The following PTP4A1 variants were observed in gnomAD, a reference collection of about 807,000 sequenced individuals.
The protein encoded by PTP4A1 is protein tyrosine phosphatase type IVA 1.
PTP4A1 carries 9 observed loss-of-function variants against 20.5 expected under a neutral mutation model. The ratio of observed to expected loss-of-function variants is 0.44; its 90% confidence interval spans 0.26 to 0.77. PTP4A1 has a LOEUF of 0.77. PTP4A1 is among the 30% of genes least tolerant of loss of function. The probability of loss-of-function intolerance (pLI) is 0.19; values close to 1 mark genes in which losing one functional copy is unlikely to be tolerated. For missense variants in PTP4A1, 137 were observed against 218.8 expected, an observed-to-expected ratio of 0.63 and a Z score of 2.36; for synonymous variants, 78 against 67.4, an observed-to-expected ratio of 1.16 and a Z score of -0.77.
intron 1 of PTP4A1, among the ~76,000 whole-genome samples, chr6:63,526,585 G>A (rs1334271941): frequency 1.3e-5 from 2 of 151,464 alleles, no homozygotes; most frequent in Admixed American, 6.6e-5. Context: ...CGAGGCAGGC[G>A]GATCGCAAGG....
rs1778351650 is a variant in PTP4A1 at position 63,583,186 on chromosome 6, A to G, written c.*3012A>G. ...GAATACTTTAAAGGGAAGTGGAAGT[A>G]TAAGTGAATGATATTTTTCTTTTAC... is the stretch of plus-strand genomic sequence containing the variant. On this transcript the variant is annotated 3_prime_UTR_variant, in exon 6 of 6. Transcript: ENST00000626021. The G allele has an allele frequency of 6.6e-6, 1 of 152,258 alleles. No individual in the cohort carries two copies. The highest frequency in any genetic ancestry group is 2.1e-4 in the South Asian group (1 of 4,836). The allele number at this position is 152,258 out of a possible 1,614,324, so 9.4% of individuals were successfully genotyped here. A position where few individuals can be genotyped will look rare whatever the true frequency, so the allele number is the denominator to read the frequency against.
chr6:63,526,505 A>G (rs1394697127), intron 1 of PTP4A1, among the ~76,000 whole-genome samples: 1 of 150,170 alleles, frequency 6.7e-6, no homozygotes, highest in Non-Finnish European at 1.5e-5. Context: ...CAGAACAAAA[A>G]TATTTTTTTA....
intron 2 of PTP4A1, among the ~76,000 whole-genome samples, chr6:63,543,818 A>C (rs1229450023): frequency 6.6e-6 from 1 of 152,248 alleles, no homozygotes; most frequent in African/African-American, 2.4e-5. Context: ...TACCCAGCTC[A>C]CAGTGTAATA....
intron 1 of PTP4A1, among the ~76,000 whole-genome samples, chr6:63,524,169 G>A (rs1182938163): frequency 6.6e-6 from 1 of 152,082 alleles, no homozygotes; most frequent in African/African-American, 2.4e-5. Context: ...GTTTTGAGTA[G>A]AGATGGAGTT....
intron 2 of PTP4A1, among the ~76,000 whole-genome samples, chr6:63,530,568 C>G (rs746764744): frequency 5.9e-5 from 9 of 152,054 alleles, no homozygotes; most frequent in Non-Finnish European, 1.2e-4. Flanking sequence ...AAAAAAGCCC[C>G]CTGAATTTGT....
At chr6:63,520,588 G>A (rs188467809), upstream of PTP4A1, among the ~76,000 whole-genome samples, 1 of 151,598 alleles carries the variant, frequency 6.6e-6, no homozygotes, top group Admixed American at 6.6e-5. Context: ...CCAAGATCAT[G>A]CCACTTCACT....
upstream of PTP4A1, among the ~76,000 whole-genome samples, chr6:63,519,981 A>G (rs900354621): frequency 6.6e-6 from 1 of 152,258 alleles, no homozygotes. Flanking sequence ...GTAACTGTAT[A>G]AACCTGTAGA....
intron 3 of PTP4A1, among the ~76,000 whole-genome samples, chr6:63,554,267 C>A (rs898989387): frequency 3.3e-5 from 5 of 152,158 alleles, no homozygotes; most frequent in African/African-American, 1.2e-4. Flanking sequence ...AGCTTCTTGT[C>A]TCTCTTAAAC....
At chr6:63,530,103 C>T (rs976704019) in intron 2 of PTP4A1, among the ~76,000 whole-genome samples, 5 of 151,830 alleles carry the variant, frequency 3.3e-5, no homozygotes, top group Non-Finnish European at 7.4e-5. Flanking sequence ...GAAAATGAGC[C>T]GATAGAAAAT....
intron 3 of PTP4A1, among the ~76,000 whole-genome samples, chr6:63,553,096 T>C (rs1776523658): frequency 6.6e-6 from 1 of 152,192 alleles, no homozygotes; most frequent in African/African-American, 2.4e-5. Context: ...GTAGAGAGAA[T>C]GTATATCTGT....
At chr6:63,571,319 T>C (rs1163745432), upstream of PTP4A1, 5 of 152,218 alleles carry the variant, frequency 3.3e-5, no homozygotes, top group African/African-American at 4.8e-5. Context: ...TCCAATCTCA[T>C]ACTCGGTGAA....
intron 1 of PTP4A1, among the ~76,000 whole-genome samples, chr6:63,573,050 G>T (rs145384122): frequency 6.6e-6 from 1 of 152,088 alleles, no homozygotes; most frequent in African/African-American, 2.4e-5. Flanking sequence ...CTTCCGCAGC[G>T]GGCCGGGTGG....
Position 63,579,318 on chromosome 6 carries a change from C to A in PTP4A1, c.391C>A (p.Gln131Lys). The A allele has an allele frequency of 6.2e-7, 1 of 1,604,400 alleles. No homozygotes were observed. The highest frequency in any genetic ancestry group is 8.5e-7 in the Non-Finnish European group (1 of 1,173,658). Reference protein sequence around the residue: ...EGGMKYEDAVQFIRQKRRGAF... With the variant: ...EGGMKYEDAVKFIRQKRRGAF... ...TGGAATGAAATACGAAGATGCAGTA[C>A]AATTCATAAGACAGTAAGTAATGGA... Residue 131 changes from glutamine to lysine, a missense_variant, in exon 5 of 6, where the codon CAA (glutamine) becomes AAA (lysine). Transcript: ENST00000626021.
At chr6:63,574,041 GTTAT>G (rs1289966451) in intron 1 of PTP4A1, among the ~76,000 whole-genome samples, 1 of 152,134 alleles carries the variant, frequency 6.6e-6, no homozygotes, top group Non-Finnish European at 1.5e-5. Context: ...CGAGTATTAA[GTTAT>G]TTACACTACG....
chr6:63,531,304 T>C (rs1775450501), intron 2 of PTP4A1, among the ~76,000 whole-genome samples: 1 of 152,110 alleles, frequency 6.6e-6, no homozygotes, highest in Non-Finnish European at 1.5e-5. Flanking sequence ...GAAGGGCAAA[T>C]ACCGATTTGT....
In PTP4A1 at chr6:63,544,558, T is replaced by C. The variant is rs79386298; in HGVS notation, c.-639-5742T>C. On this transcript the variant is annotated intron_variant, in intron 2 of 3. Transcript: ENST00000639568. Reference sequence around the variant, plus strand: ...CGAAGTAACATCCTTTATAGTAAAATAAAAACCTGGGTCACAGACTGGCTA... The same window carrying C: ...CGAAGTAACATCCTTTATAGTAAAACAAAAACCTGGGTCACAGACTGGCTA... 8.1e-3 allele frequency among the ~76,000 whole-genome samples: 1,228 copies of C among 152,236 alleles called. 16 individuals carry two copies. The highest frequency in any genetic ancestry group is 0.029 in the African/African-American group (1,187 of 41,550).
At chr6:63,533,423 A>G (rs369181475) in intron 2 of PTP4A1, among the ~76,000 whole-genome samples, 1 of 152,212 alleles carries the variant, frequency 6.6e-6, no homozygotes, top group Non-Finnish European at 1.5e-5. Flanking sequence ...GTCATTAAAA[A>G]TATCTTAATT....
chr6:63,562,945 C>A (rs1447907972), intron 3 of PTP4A1, among the ~76,000 whole-genome samples: 1 of 152,180 alleles, frequency 6.6e-6, no homozygotes, highest in African/African-American at 2.4e-5. Flanking sequence ...AGGCTCAAAA[C>A]CATGGCCTTA....
intron 2 of PTP4A1, among the ~76,000 whole-genome samples, chr6:63,543,618 A>G (rs1275823507): frequency 2.6e-5 from 4 of 152,188 alleles, no homozygotes; most frequent in Non-Finnish European, 5.9e-5. Context: ...ATGAACATGG[A>G]AAGAAGGTTG....
Sources: gnomAD v4.1 joint callset for allele counts (sites outside exome capture counted in the v4.1 genomes callset) on GRCh38, gnomAD v4.1.1 for gene constraint, MANE v1.5 for transcripts, NCBI Gene and HGNC (gene_info 2026-07-23, HGNC 2026-07-21) for gene names.